Variants in BMERB1 observed in about 807,000 individuals in gnomAD.
The protein encoded by BMERB1 is bMERB domain containing 1, also known as bMERB domain-containing protein 1.
Under a neutral mutation model 23.6 loss-of-function variants are expected in BMERB1, and 12 were observed. That is an observed-to-expected ratio of 0.51 (90% CI 0.33 to 0.82). The LOEUF is 0.82. Among genes scored for constraint, BMERB1 ranks in the 40% least tolerant of loss-of-function variants. The probability of loss-of-function intolerance (pLI) is 0.03; values close to 1 mark genes in which losing one functional copy is unlikely to be tolerated. For missense variants in BMERB1, 247 were observed against 255.4 expected, an observed-to-expected ratio of 0.97 and a Z score of 0.22; for synonymous variants, 122 against 96.6, an observed-to-expected ratio of 1.26 and a Z score of -1.54.
chr16:15,468,139 T>TC lies in BMERB1; in HGVS notation c.106+33380_106+33381insC. 1.5e-4 allele frequency among the ~76,000 whole-genome samples: 10 copies of TC among 65,016 alleles called. No homozygotes were observed. In the East Asian group the frequency reaches 1.5e-3, roughly 10 times the overall value. The allele number at this position is 65,016 out of a possible 152,430, so 42.7% of individuals were successfully genotyped here. On this transcript the variant is annotated intron_variant, in intron 1 of 5. Coordinates refer to ENST00000300006, the MANE Select transcript of BMERB1 (RefSeq NM_033201.3). Reference sequence around the variant, plus strand: ...TTTCTTTCTTTCTTTCTTCTTCTTTTTTTTTTTTTTTTTTTTTTTTTTTTG... The same window carrying TC: ...TTTCTTTCTTTCTTTCTTCTTCTTTTCTTTTTTTTTTTTTTTTTTTTTTTTG...
chr16:15,546,318 AACACAT>A (rs1208982522), intron 2 of BMERB1, among the ~76,000 whole-genome samples: 2 of 152,048 alleles, frequency 1.3e-5, no homozygotes, highest in African/African-American at 4.8e-5. Context: ...AACAAACAAA[AACACAT>A]ACACATAAAC....
chr16:15,466,833 G>A (rs1389842277), intron 1 of BMERB1, among the ~76,000 whole-genome samples: 1 of 152,054 alleles, frequency 6.6e-6, no homozygotes, highest in Non-Finnish European at 1.5e-5. Context: ...GGTTCCTCCT[G>A]CTACTTTTGT....
chr16:15,561,256 A>ATTT (rs35139646), intron 2 of BMERB1, among the ~76,000 whole-genome samples: 1,569 of 42,244 alleles, frequency 0.037, 344 homozygotes, highest in South Asian at 0.053. Flanking sequence ...CACGCCGGCC[A>ATTT]TTTTTTTTTT....
intron 5 of BMERB1, chr16:15,584,192 T>A: frequency 1.7e-6 from 1 of 590,000 alleles, no homozygotes. Flanking sequence ...CAAGAAACTG[T>A]CTTTTCTTTG....
intron 1 of BMERB1, among the ~76,000 whole-genome samples, chr16:15,512,614 C>T (rs1443315308): frequency 6.6e-6 from 1 of 152,108 alleles, no homozygotes; most frequent in African/African-American, 2.4e-5. Context: ...TGTGGTGGCT[C>T]ACACCTGTAA....
intron 2 of BMERB1, among the ~76,000 whole-genome samples, chr16:15,516,687 A>G (rs934419850): frequency 7.1e-6 from 1 of 139,888 alleles, no homozygotes; most frequent in South Asian, 2.2e-4. Flanking sequence ...GATTTTTCAC[A>G]ACACCAAGAG....
At chr16:15,579,533 C>T (rs773455158) in intron 3 of BMERB1, among the ~76,000 whole-genome samples, 1 of 152,118 alleles carries the variant, frequency 6.6e-6, no homozygotes, top group Non-Finnish European at 1.5e-5. Context: ...AAATGATCAA[C>T]GTCAGTCGTG....
intron 1 of BMERB1, among the ~76,000 whole-genome samples, chr16:15,444,130 T>TTTTTTTTTTTTTTTGTTTTTTTTTTG (rs2050968420): frequency 1.8e-5 from 2 of 111,234 alleles, no homozygotes; most frequent in Non-Finnish European, 3.8e-5. Flanking sequence ...TTTGTTTTTT[T>TTTTTTTTTTTTTTTGTTTTTTTTTTG]TTTTTTTTTT....
intron 2 of BMERB1, among the ~76,000 whole-genome samples, chr16:15,563,781 C>A (rs2150970643): frequency 6.6e-6 from 1 of 152,260 alleles, no homozygotes; most frequent in Non-Finnish European, 1.5e-5. Context: ...GAGACGTCCA[C>A]CCCCATGATC....
At chr16:15,528,641 C>A (rs754133888) in intron 2 of BMERB1, among the ~76,000 whole-genome samples, 1 of 151,862 alleles carries the variant, frequency 6.6e-6, no homozygotes, top group Non-Finnish European at 1.5e-5. Context: ...ACACCAGGTC[C>A]CCTCCTGCCG....
intron 1 of BMERB1, among the ~76,000 whole-genome samples, chr16:15,513,668 G>T (rs1191256873): frequency 6.6e-6 from 1 of 152,096 alleles, no homozygotes; most frequent in African/African-American, 2.4e-5. Flanking sequence ...GGCTGAGGCG[G>T]GTGGGTCATG....
At chr16:15,539,791 C>T (rs913325788) in intron 2 of BMERB1, among the ~76,000 whole-genome samples, 1 of 150,028 alleles carries the variant, frequency 6.7e-6, no homozygotes, top group East Asian at 2.0e-4. Context: ...TGCAGTGAGC[C>T]GAGATCGTAC....
chr16:15,529,386 A>G (rs1174128540), intron 2 of BMERB1, among the ~76,000 whole-genome samples: 1 of 152,132 alleles, frequency 6.6e-6, no homozygotes, highest in Non-Finnish European at 1.5e-5. Context: ...CAAATGGACT[A>G]AGGCACCTGA....
Position 15,441,824 on chromosome 16 carries a change from G to T in BMERB1, c.106+7065G>T, listed in dbSNP as rs527532038. On this transcript the variant is annotated intron_variant, in intron 1 of 5. Coordinates refer to ENST00000300006, the MANE Select transcript of BMERB1 (RefSeq NM_033201.3). ...GGCAAGAGCCACTGCGCCCAGCCTG[G>T]TTTTTGTTTTTAAAGGGTCATGTTG... Among the ~76,000 whole-genome samples the T allele has an allele frequency of 2.0e-5, 3 of 152,238 alleles. No individual in the cohort carries two copies. In the South Asian group the frequency reaches 6.2e-4, roughly 32 times the overall value.
chr16:15,540,961 A>G (rs1445069209), intron 2 of BMERB1, among the ~76,000 whole-genome samples: 4 of 151,912 alleles, frequency 2.6e-5, no homozygotes, highest in East Asian at 3.9e-4. Context: ...CTATCACACT[A>G]TGTCCTGGAG....
At chr16:15,517,626 A>G (rs1369784462) in intron 2 of BMERB1, among the ~76,000 whole-genome samples, 2 of 152,066 alleles carry the variant, frequency 1.3e-5, no homozygotes, top group African/African-American at 4.8e-5. Context: ...TTAAAAATAC[A>G]AATACAAATT....
At chr16:15,568,616 C>A (rs1475480992) in intron 3 of BMERB1, among the ~76,000 whole-genome samples, 1 of 151,606 alleles carries the variant, frequency 6.6e-6, no homozygotes, top group Non-Finnish European at 1.5e-5. Context: ...CCAGCCTGGG[C>A]AACACAGCGA....
At chr16:15,566,855 T>A (rs1213848052) in intron 2 of BMERB1, among the ~76,000 whole-genome samples, 1 of 151,988 alleles carries the variant, frequency 6.6e-6, no homozygotes, top group African/African-American at 2.4e-5. Context: ...AACAATGGTG[T>A]CATATATGAT....
intron 3 of BMERB1, among the ~76,000 whole-genome samples, chr16:15,571,867 T>C (rs760440943): frequency 2.0e-5 from 3 of 152,062 alleles, no homozygotes; most frequent in Non-Finnish European, 4.4e-5. Context: ...CTTTATCCTA[T>C]GTAAAATGCA....
Sources: allele counts gnomAD v4.1 joint callset (sites outside exome capture counted in the v4.1 genomes callset), GRCh38; gene constraint gnomAD v4.1.1; transcripts MANE v1.5; gene names NCBI Gene and HGNC (gene_info 2026-07-23, HGNC 2026-07-21).